Variants in MFHAS1 observed in about 807,000 individuals in gnomAD.
MFHAS1 encodes the protein multifunctional ROCO family signaling regulator 1, also known as malignant fibrous histiocytoma-amplified sequence 1.
Under a neutral mutation model 70.4 loss-of-function variants are expected in MFHAS1, and 50 were observed. The observed-to-expected ratio is 0.71, with a 90% CI of 0.57 to 0.90. The LOEUF (loss-of-function observed/expected upper bound fraction) is 0.90. Ranked by LOEUF, MFHAS1 falls within the 40% of genes least tolerant of loss-of-function variation. MFHAS1 has a pLI of 0.00. For synonymous variants in MFHAS1, 952 were observed against 620.0 expected, an observed-to-expected ratio of 1.54 and a Z score of -7.96; for missense variants, 1,795 against 1,347.6, an observed-to-expected ratio of 1.33 and a Z score of -5.20.
At chr8:8,867,042 A>G (rs1021339724) in intron 1 of MFHAS1, among the ~76,000 whole-genome samples, 2 of 152,250 alleles carry the variant, frequency 1.3e-5, no homozygotes, top group African/African-American at 4.8e-5. Context: ...ATGGGTTGGT[A>G]TGATCTATTT....
At chr8:8,877,904 C>T (rs2116922499) in intron 1 of MFHAS1, among the ~76,000 whole-genome samples, 1 of 152,302 alleles carries the variant, frequency 6.6e-6, no homozygotes, top group South Asian at 2.1e-4. Context: ...TTTCTAAATG[C>T]AAAACGCATC....
chr8:8,865,288 A>T (rs1808815349), intron 1 of MFHAS1, among the ~76,000 whole-genome samples: 2 of 151,592 alleles, frequency 1.3e-5, no homozygotes, highest in South Asian at 4.2e-4. Context: ...AAAAAAAAAA[A>T]AAAAAAAAAA....
At chr8:8,813,831 C>T (rs949535408) in intron 1 of MFHAS1, among the ~76,000 whole-genome samples, 2 of 152,100 alleles carry the variant, frequency 1.3e-5, no homozygotes, top group African/African-American at 2.4e-5. Context: ...GCAGCAGTAA[C>T]GTCCTGAGCC....
intron 1 of MFHAS1, among the ~76,000 whole-genome samples, chr8:8,839,391 T>C (rs1807720710): frequency 6.6e-6 from 1 of 152,232 alleles, no homozygotes. Context: ...GTTATATATT[T>C]GAAAGCTATC....
At chr8:8,812,939 G>T (rs1259190941) in intron 1 of MFHAS1, among the ~76,000 whole-genome samples, 1 of 152,136 alleles carries the variant, frequency 6.6e-6, no homozygotes, top group African/African-American at 2.4e-5. Flanking sequence ...ACTAAAGGTT[G>T]TATTTTTAGT....
intron 1 of MFHAS1, among the ~76,000 whole-genome samples, chr8:8,845,838 G>T (rs1335959965): frequency 6.6e-6 from 1 of 152,064 alleles, no homozygotes; most frequent in East Asian, 1.9e-4. Context: ...AGCTTTCCCA[G>T]TTCAATAAAT....
intron 1 of MFHAS1, among the ~76,000 whole-genome samples, chr8:8,828,092 G>A (rs1288044165): frequency 6.6e-6 from 1 of 152,164 alleles, no homozygotes; most frequent in African/African-American, 2.4e-5. Flanking sequence ...GTGTGAAGCA[G>A]CCTACATCTG....
chr8:8,888,390 C>T (rs1034678174), intron 1 of MFHAS1, among the ~76,000 whole-genome samples: 2 of 152,148 alleles, frequency 1.3e-5, no homozygotes, highest in Admixed American at 6.5e-5. Flanking sequence ...TTTCATCACC[C>T]CTCCGGGTCC....
rs1025482840 is a variant in MFHAS1, at chr8:8,892,848, C to T, written c.211G>A (p.Gly71Arg). Reference protein sequence around the residue: ...NLGDIEALNLGNNGLEEVPEG... With the variant: ...NLGDIEALNLRNNGLEEVPEG... ...GGTACCTCCTCCAGGCCGTTGTTCC[C>T]CAGGTTCAGTGCCTCAATGTCCCCG... Residue 71 changes from glycine (G) to arginine (R), a missense_variant, in exon 1 of 3, where the codon GGG becomes AGG. Coordinates refer to ENST00000276282, the MANE Select transcript of MFHAS1 (RefSeq NM_004225.3). The surrounding 1 kb of genome is among the most constrained non-coding windows in gnomAD (Gnocchi z 4.7). The T allele has an allele frequency of 3.8e-6, 6 of 1,597,520 alleles. No homozygotes were observed. In the African/African-American group the frequency reaches 8.1e-5, roughly 21 times the overall value.
intron 1 of MFHAS1, among the ~76,000 whole-genome samples, chr8:8,818,674 A>G (rs1356771219): frequency 1.3e-5 from 2 of 152,236 alleles, no homozygotes; most frequent in African/African-American, 2.4e-5. Flanking sequence ...AACTCACTCA[A>G]TGTTGACTTC....
At chr8:8,824,882 G>C (rs1220427264) in intron 1 of MFHAS1, among the ~76,000 whole-genome samples, 1 of 152,220 alleles carries the variant, frequency 6.6e-6, no homozygotes, top group Non-Finnish European at 1.5e-5. Flanking sequence ...CCTGGAGGAA[G>C]GCTGCGCTGG....
At chr8:8,871,778 G>A (rs1809084390) in intron 1 of MFHAS1, among the ~76,000 whole-genome samples, 1 of 152,216 alleles carries the variant, frequency 6.6e-6, no homozygotes, top group South Asian at 2.1e-4. Context: ...CAGATGCATG[G>A]GCTCAGATGT....
At chr8:8,825,991 GA>G (rs1338828120) in intron 1 of MFHAS1, among the ~76,000 whole-genome samples, 1 of 152,156 alleles carries the variant, frequency 6.6e-6, no homozygotes, top group Non-Finnish European at 1.5e-5. Context: ...GAGGTTAAAT[GA>G]CCTGGTTCTG....
At chr8:8,872,578 G>A (rs1056357078) in intron 1 of MFHAS1, among the ~76,000 whole-genome samples, 7 of 152,018 alleles carry the variant, frequency 4.6e-5, no homozygotes, top group Admixed American at 3.3e-4. Context: ...TTTTAATGCC[G>A]CACCACATTA....
chr8:8,807,882 T>C (rs999600620), intron 1 of MFHAS1, among the ~76,000 whole-genome samples: 1 of 152,268 alleles, frequency 6.6e-6, no homozygotes, highest in Non-Finnish European at 1.5e-5. Flanking sequence ...TGTATCACTA[T>C]ATATAGTGAT....
At chr8:8,853,466 T>TAAA (rs58475480) in intron 1 of MFHAS1, among the ~76,000 whole-genome samples, 14 of 120,184 alleles carry the variant, frequency 1.2e-4, no homozygotes, top group Non-Finnish European at 2.0e-4. Context: ...TGCTCATTCT[T>TAAA]AAAAAAAAAA....
At chr8:8,816,657 G>GAA (rs1806758319) in intron 1 of MFHAS1, among the ~76,000 whole-genome samples, 1 of 152,178 alleles carries the variant, frequency 6.6e-6, no homozygotes, top group Admixed American at 6.5e-5. Flanking sequence ...ACGCAAACAT[G>GAA]TAGAAAGTTC....
At position 8,828,905 on chromosome 8, in the gene MFHAS1, A is replaced by G. The variant is rs188030423; in HGVS notation, c.2999-31414T>C. On this transcript the variant is annotated intron_variant, in intron 1 of 2. Transcript: ENST00000276282. ...TATCCCGCCCCTAGCTCAGTCCTTC[A>G]TGTCTTTCCTTTAGATCAGGCTCTG... Among the ~76,000 whole-genome samples the G allele has an allele frequency of 6.7e-4, 102 of 152,250 alleles. 1 individual carries two copies. Among genetic ancestry groups the G allele is most frequent in the Admixed American group, 6.3e-3 (96 of 15,294 alleles).
intron 1 of MFHAS1, among the ~76,000 whole-genome samples, chr8:8,805,040 T>G (rs1302492969): frequency 6.6e-6 from 1 of 152,182 alleles, no homozygotes; most frequent in African/African-American, 2.4e-5. Context: ...CTGCAGTTGG[T>G]CCAAGGGCCC....
Sources: allele counts gnomAD v4.1 joint callset (sites outside exome capture counted in the v4.1 genomes callset), GRCh38; gene constraint gnomAD v4.1.1; non-coding constraint Gnocchi (gnomAD v3.1); transcripts MANE v1.5; gene names NCBI Gene and HGNC (gene_info 2026-07-23, HGNC 2026-07-21).